The following ATP6V1A variants were observed in gnomAD, a reference collection of about 807,000 sequenced individuals.
ATP6V1A encodes ATPase H+ transporting V1 subunit A, also known as V-type proton ATPase catalytic subunit A.
Under a neutral mutation model 70.1 loss-of-function variants are expected in ATP6V1A, and 18 were observed. The ratio of observed to expected loss-of-function variants is 0.26; its 90% CI spans 0.18 to 0.38. ATP6V1A has a LOEUF of 0.38. Ranked by LOEUF, ATP6V1A falls within the 10% of genes least tolerant of loss-of-function variation. The pLI is 1.00. For missense variants in ATP6V1A, 424 were observed against 772.4 expected, an observed-to-expected ratio of 0.55 and a Z score of 5.35; for synonymous variants, 232 against 253.8, an observed-to-expected ratio of 0.91 and a Z score of 0.82.
rs769327129 is a variant in ATP6V1A at position 113,811,160 on chromosome 3, A to C, written c.*1733A>C. On this transcript the variant is annotated 3_prime_UTR_variant, in exon 15 of 15. Transcript: ENST00000273398. ...AAAGGGTGTGTGAACATGGCTAACA[A>C]TCTTCAAATACCCAAATTGTGATAG... 6.6e-6 allele frequency: 1 copy of C among 152,208 alleles called. No homozygotes were observed. Among genetic ancestry groups the C allele is most frequent in the African/African-American group, 2.4e-5 (1 of 41,458 alleles). 9.4% of individuals were successfully genotyped at this position (152,208 alleles called of 1,614,324 possible).
chr3:113,750,316 T>TA (rs985500115), intron 1 of ATP6V1A, among the ~76,000 whole-genome samples: 5 of 152,020 alleles, frequency 3.3e-5, no homozygotes, highest in South Asian at 4.2e-4. Flanking sequence ...TGTCTTTACT[T>TA]AAAAAAATTA....
At chr3:113,753,682 C>T (rs1708614749) in intron 1 of ATP6V1A, among the ~76,000 whole-genome samples, 1 of 145,940 alleles carries the variant, frequency 6.9e-6, no homozygotes, top group African/African-American at 2.5e-5. Flanking sequence ...GAAAGGATTT[C>T]TATCATGTGT....
At chr3:113,801,443 G>A (rs1280280847) in intron 12 of ATP6V1A, among the ~76,000 whole-genome samples, 1 of 152,140 alleles carries the variant, frequency 6.6e-6, no homozygotes, top group African/African-American at 2.4e-5. Flanking sequence ...GTCAAATATT[G>A]CCCAGTGTTG....
At position 113,811,911 on chromosome 3, in the gene ATP6V1A, C is replaced by T. The variant is rs1308539889; in HGVS notation, c.*2484C>T. 1 of 152,558 alleles carries T rather than the reference C, an allele frequency of 6.6e-6. No homozygotes were observed. Among genetic ancestry groups the T allele is most frequent in the African/African-American group, 2.4e-5 (1 of 41,432 alleles). The allele number at this position is 152,558 out of a possible 1,614,324, so 9.5% of individuals were successfully genotyped here. A position where few individuals can be genotyped will look rare whatever the true frequency, so the allele number is the denominator to read the frequency against. ...CCAGTGTTGAATCTCACACACTGTA[C>T]TTTGAAAATTTCCTTCCATCCTGAA... On this transcript the variant is annotated 3_prime_UTR_variant, in exon 15 of 15. Coordinates refer to ENST00000273398, the MANE Select transcript of ATP6V1A (RefSeq NM_001690.4).
intron 1 of ATP6V1A, among the ~76,000 whole-genome samples, chr3:113,778,018 G>A (rs895871404): frequency 1.3e-5 from 2 of 152,156 alleles, no homozygotes; most frequent in Admixed American, 6.5e-5. Flanking sequence ...TATTTCCTAT[G>A]AAATACCTCA....
rs531818371 is a variant in ATP6V1A, at chr3:113,785,309, G to A, written c.564+476G>A. Among the ~76,000 whole-genome samples, 4 of 151,944 alleles carry A rather than the reference G, an allele frequency of 2.6e-5. No homozygotes were observed. The East Asian group carries it at 5.8e-4, about 22-fold the overall frequency. On this transcript the variant is annotated intron_variant, in intron 5 of 14. Coordinates refer to ENST00000273398, the MANE Select transcript of ATP6V1A (RefSeq NM_001690.4). ...ACAAAAATTAGCCAGGCGTGGTGGC[G>A]CACGCCTGTAATCCCAGCTAGTTGA... is the stretch of plus-strand genomic sequence containing the variant.
At chr3:113,791,079 A>C (rs114652850) in intron 8 of ATP6V1A, among the ~76,000 whole-genome samples, 1 of 152,082 alleles carries the variant, frequency 6.6e-6, no homozygotes, top group Admixed American at 6.5e-5. Flanking sequence ...CTTTTCATCT[A>C]TGAAATATGT....
At chr3:113,803,556 G>A (rs1251460964) in intron 12 of ATP6V1A, 27 bp from the exon 13 acceptor site, 2 of 1,517,720 alleles carry the variant, frequency 1.3e-6, no homozygotes, top group African/African-American at 1.4e-5. Context: ...TAGAGTAAAT[G>A]TCTAAAAATA....
chr3:113,794,830 AT>A, intron 8 of ATP6V1A, 41 bp from the exon 9 acceptor site: 1 of 1,569,686 alleles, frequency 6.4e-7, no homozygotes, highest in Non-Finnish European at 8.6e-7. Context: ...GGATTTTTAT[AT>A]GCTAGCATTG....
intron 5 of ATP6V1A, among the ~76,000 whole-genome samples, chr3:113,785,932 G>A (rs1313994417): frequency 6.8e-6 from 1 of 146,748 alleles, no homozygotes; most frequent in Non-Finnish European, 1.5e-5. Flanking sequence ...GGAACTACTG[G>A]GCTTAAGCAA....
intron 1 of ATP6V1A, among the ~76,000 whole-genome samples, chr3:113,755,583 G>C (rs1708639524): frequency 6.6e-6 from 1 of 152,136 alleles, no homozygotes; most frequent in South Asian, 2.1e-4. Context: ...GGGTGACAGA[G>C]CCAGACCCTG....
rs367734280 is a variant in ATP6V1A at position 113,781,788 on chromosome 3, A to G, written c.211+610A>G. Among the ~76,000 whole-genome samples, 22 of 152,338 alleles carry G rather than the reference A, an allele frequency of 1.4e-4. No individual in the cohort carries two copies. In the East Asian group the frequency reaches 4.0e-3, roughly 28 times the overall value. ...TTTTCTTCATTGGGACGCATATTGT[A>G]GAAGAAAGCGTAAACAGAATAACAA... is the stretch of plus-strand genomic sequence containing the variant. On this transcript the variant is annotated intron_variant, in intron 3 of 14. Transcript: ENST00000273398.
Position 113,774,307 on chromosome 3 carries a change from T to G in ATP6V1A, c.-13-4434T>G, listed in dbSNP as rs1285061052. On this transcript the variant is annotated intron_variant, in intron 1 of 14. Coordinates refer to ENST00000273398, the MANE Select transcript of ATP6V1A (RefSeq NM_001690.4). The stretch of plus-strand genomic sequence containing the variant: ...CACTGGACACTTTAGAAATGGACAC[T>G]TTAGAAAAAAGGCAATCTTAGCTTA... Among the ~76,000 whole-genome samples, 4 of 152,164 alleles carry G rather than the reference T, an allele frequency of 2.6e-5. No individual in the cohort carries two copies. The East Asian group carries it at 7.7e-4, about 29-fold the overall frequency.
At chr3:113,806,046 G>A (rs1176315286) in intron 14 of ATP6V1A, among the ~76,000 whole-genome samples, 1 of 152,132 alleles carries the variant, frequency 6.6e-6, no homozygotes, top group Non-Finnish European at 1.5e-5. Flanking sequence ...GCTCAGGCAG[G>A]AGGATGACTT....
chr3:113,758,100 C>T (rs1052375114), intron 1 of ATP6V1A, among the ~76,000 whole-genome samples: 2 of 152,040 alleles, frequency 1.3e-5, no homozygotes, highest in African/African-American at 2.4e-5. Context: ...GCTGAGATCA[C>T]ACCCACTGCA....
At chr3:113,794,841 G>A in intron 8 of ATP6V1A, 31 bp from the exon 9 acceptor site, 1 of 1,586,330 alleles carries the variant, frequency 6.3e-7, no homozygotes, top group East Asian at 2.2e-5. Flanking sequence ...TGCTAGCATT[G>A]TAACTTATAA....
intron 8 of ATP6V1A, among the ~76,000 whole-genome samples, chr3:113,793,403 T>A (rs1709119499): frequency 6.6e-6 from 1 of 152,190 alleles, no homozygotes; most frequent in Admixed American, 6.5e-5. Context: ...CCTTTATCTG[T>A]CATGAGTTGC....
intron 1 of ATP6V1A, among the ~76,000 whole-genome samples, chr3:113,760,652 C>T (rs1263008386): frequency 2.6e-5 from 4 of 151,908 alleles, no homozygotes; most frequent in South Asian, 4.1e-4. Context: ...GGCATAAACC[C>T]GGGAGTTTGG....
At chr3:113,805,325 T>G (rs1447252055) in intron 13 of ATP6V1A, 29 bp from the exon 14 acceptor site, 1 of 1,605,874 alleles carries the variant, frequency 6.2e-7, no homozygotes, top group Admixed American at 1.7e-5. Flanking sequence ...TTTATTTTTG[T>G]TAATTTTTTG....
Sources: allele counts gnomAD v4.1 joint callset (sites outside exome capture counted in the v4.1 genomes callset), GRCh38; gene constraint gnomAD v4.1.1; transcripts MANE v1.5; gene names NCBI Gene and HGNC (gene_info 2026-07-23, HGNC 2026-07-21).